Variants in PAX6 observed in about 807,000 individuals in gnomAD.
PAX6 encodes the protein paired box protein Pax-6.
PAX6 carries 7 observed loss-of-function variants against 60.7 expected under a neutral mutation model. The observed-to-expected ratio is 0.12, with a 90% confidence interval of 0.07 to 0.22. The LOEUF (loss-of-function observed/expected upper bound fraction) is 0.22, where lower values mean the gene tolerates loss of function less well. PAX6 is among the 10% of genes least tolerant of loss of function. The pLI is 1.00. For synonymous variants in PAX6, 208 were observed against 201.2 expected, an observed-to-expected ratio of 1.03 and a Z score of -0.29; for missense variants, 355 against 555.2, an observed-to-expected ratio of 0.64 and a Z score of 3.62.
intron 5 of PAX6, chr11:31,802,159 TAAAGAAC>T (rs994682097): frequency 7.5e-6 from 4 of 531,788 alleles, no homozygotes; most frequent in Non-Finnish European, 1.3e-5. Flanking sequence ...CGTTATGTTT[TAAAGAAC>T]AAAGGTAAAA....
chr11:31,805,612 A>G (rs985163800), intron 4 of PAX6: 1 of 152,584 alleles, frequency 6.6e-6, no homozygotes, highest in Non-Finnish European at 1.5e-5. Context: ...GGAGCTCTAG[A>G]CTAGCCCTGC....
intron 5 of PAX6, 70 bp downstream of exon 5, chr11:31,802,634 G>T: frequency 1.3e-6 from 2 of 1,540,488 alleles, no homozygotes; most frequent in South Asian, 1.2e-5. Context: ...TTTACAGTAA[G>T]AAATGAAGAG....
At chr11:31,811,479 G>C (rs1411690143), upstream of PAX6, 1 of 339,878 alleles carries the variant, frequency 2.9e-6, no homozygotes, top group East Asian at 4.3e-5. Flanking sequence ...GGTGGGTCCC[G>C]GCTCCTCTCC....
chr11:31,800,483 C>T (rs1398576126), intron 8 of PAX6: 2 of 700,274 alleles, frequency 2.9e-6, no homozygotes, highest in Non-Finnish European at 5.1e-6. Context: ...TCCTGACATA[C>T]ACAACCCTCA....
intron 10 of PAX6, 101 bp downstream of exon 10, chr11:31,793,931 T>C: frequency 1.6e-6 from 2 of 1,271,458 alleles, no homozygotes; most frequent in Non-Finnish European, 2.3e-6. Context: ...TTTTATTATA[T>C]TAGTCCTATA....
intron 5 of PAX6, chr11:31,802,330 A>G: frequency 3.2e-6 from 1 of 315,264 alleles, no homozygotes; most frequent in South Asian, 4.4e-5. Flanking sequence ...TGAGGTAAGC[A>G]TGGGCTGGGG....
chr11:31,789,205 T>G lies in PAX6; in HGVS notation c.*729A>C, dbSNP rs1949024584. 9 of 207,960 alleles carry G rather than the reference T, an allele frequency of 4.3e-5. No individual in the cohort carries two copies. The highest frequency in any genetic ancestry group is 2.9e-5 in the Non-Finnish European group (3 of 102,042). 12.9% of individuals were successfully genotyped at this position (207,960 alleles called of 1,614,324 possible). A position where few individuals can be genotyped will look rare whatever the true frequency, so the allele number is the denominator to read the frequency against. On this transcript the variant is annotated 3_prime_UTR_variant, in exon 14 of 14. Transcript: ENST00000640368. Reference sequence around the variant, plus strand: ...CATCTATATTCTTGTCAAATATAAATGAAATTAACTTTATTATAGAAATCA... The same window carrying G: ...CATCTATATTCTTGTCAAATATAAAGGAAATTAACTTTATTATAGAAATCA...
At position 31,803,010 on chromosome 11, in the gene PAX6, C is replaced by G. The variant is rs543553482; in HGVS notation, c.11-176G>C. 8.3e-5 allele frequency: 59 copies of G among 709,454 alleles called. No individual in the cohort carries two copies. The African/African-American group carries it at 9.5e-4, about 11-fold the overall frequency. 43.9% of individuals were successfully genotyped at this position (709,454 alleles called of 1,614,324 possible). A position where few individuals can be genotyped will look rare whatever the true frequency, so the allele number is the denominator to read the frequency against. On this transcript the variant is annotated intron_variant, in intron 4 of 13. Coordinates refer to ENST00000640368, the MANE Select transcript of PAX6 (RefSeq NM_001368894.2). ...AGACAACCACAATGCATCCTCATCC[C>G]CCTGCCAACCTGTGCCAACCTCGGC...
At chr11:31,806,484 T>A in intron 3 of PAX6, 22 bp from the exon 4 acceptor site, 1 of 1,562,906 alleles carries the variant, frequency 6.4e-7, no homozygotes, top group Non-Finnish European at 8.7e-7. Context: ...AAAATAGGAG[T>A]TAATCCTCGG....
At chr11:31,790,987 T>C in intron 12 of PAX6, 127 bp from the exon 13 acceptor site, 1 of 970,400 alleles carries the variant, frequency 1.0e-6, no homozygotes, top group South Asian at 1.4e-5. Context: ...CGTGAAGTAC[T>C]GGAATTCCAT....
chr11:31,801,607 T>G lies in PAX6; in HGVS notation c.353A>C (p.Asp118Ala). ...ACAGACCCCCTCGGACAGTAATCTG[T>G]CTCGGATTTCCCAAGCAAAGATGGA... ...CPSIFAWEIRDRLLSEGVCTN... is the reference protein window; with the variant it reads ...CPSIFAWEIRARLLSEGVCTN... Residue 118 changes from aspartate (D) to alanine (A), a missense_variant, in exon 7 of 14, where the codon GAC becomes GCC. Coordinates refer to ENST00000640368, the MANE Select transcript of PAX6 (RefSeq NM_001368894.2). 6.2e-7 allele frequency: 1 copy of G among 1,614,106 alleles called. No individual in the cohort carries two copies. The highest frequency in any genetic ancestry group is 8.5e-7 in the Non-Finnish European group (1 of 1,180,024).
At chr11:31,802,107 A>T in intron 5 of PAX6, 195 bp from the exon 6 acceptor site, 1 of 590,648 alleles carries the variant, frequency 1.7e-6, no homozygotes. Context: ...CATCAAAACG[A>T]AGTAGATAAA....
chr11:31,806,799 T>C (rs563685952), intron 3 of PAX6, 50 bp downstream of exon 3: 2 of 212,370 alleles, frequency 9.4e-6, no homozygotes, highest in Non-Finnish European at 1.9e-5. Context: ...AAATAGTTTG[T>C]TTTGACTGTT....
upstream of PAX6, chr11:31,811,451 C>G (rs1306074653): frequency 2.6e-6 from 1 of 381,672 alleles, no homozygotes; most frequent in Non-Finnish European, 4.6e-6. Flanking sequence ...TATGAATACA[C>G]TTGTTTTCGG....
At chr11:31,790,114 A>AAC (rs1300018000) in intron 13 of PAX6, 95 bp from the exon 14 acceptor site, 2 of 792,882 alleles carry the variant, frequency 2.5e-6, no homozygotes, top group African/African-American at 1.8e-5. Context: ...AAAAAAAAAA[A>AAC]AAAAAACTAA....
chr11:31,797,942 C>T (rs886332179), intron 8 of PAX6, among the ~76,000 whole-genome samples: 1 of 151,552 alleles, frequency 6.6e-6, no homozygotes, highest in Non-Finnish European at 1.5e-5. Context: ...AGCCCCAGGA[C>T]CATCTGACGA....
intron 4 of PAX6, 167 bp from the exon 5 acceptor site, chr11:31,803,001 T>G: frequency 3.3e-5 from 24 of 719,546 alleles, no homozygotes; most frequent in Non-Finnish European, 4.8e-5. Flanking sequence ...CCACAATGCA[T>G]CCTCATCCCC....
chr11:31,813,688 G>A (rs926680981), upstream of PAX6, among the ~76,000 whole-genome samples: 2 of 152,086 alleles, frequency 1.3e-5, no homozygotes, highest in Non-Finnish European at 2.9e-5. Context: ...AAGACTCCTG[G>A]AAACTCCTCC....
In PAX6 at chr11:31,789,705, G is replaced by A; in HGVS notation, c.*229C>T. ...ATACACCAAAATGAATAAAAGTTTG[G>A]ATACCAAAATGAAGATTTGTTCCAA... On this transcript the variant is annotated 3_prime_UTR_variant, in exon 14 of 14. Transcript: ENST00000640368. 1 of 702,780 alleles carries A rather than the reference G, an allele frequency of 1.4e-6. No homozygotes were observed. The highest frequency in any genetic ancestry group is 2.6e-6 in the Non-Finnish European group (1 of 384,930). 43.5% of individuals were successfully genotyped at this position (702,780 alleles called of 1,614,324 possible). A position where few individuals can be genotyped will look rare whatever the true frequency, so the allele number is the denominator to read the frequency against.
Sources: allele counts gnomAD v4.1 joint callset (sites outside exome capture counted in the v4.1 genomes callset), GRCh38; gene constraint gnomAD v4.1.1; transcripts MANE v1.5; gene names NCBI Gene and HGNC (gene_info 2026-07-23, HGNC 2026-07-21).